ROBO2: variants seen among roughly 807,000 people sequenced by gnomAD.
The protein encoded by ROBO2 is roundabout guidance receptor 2, also known as roundabout homolog 2.
Under a neutral mutation model 160.8 loss-of-function variants are expected in ROBO2, and 53 were observed. The ratio of observed to expected loss-of-function variants is 0.33; its 90% CI spans 0.26 to 0.41. The LOEUF (loss-of-function observed/expected upper bound fraction) is 0.41. Among genes scored for constraint, ROBO2 ranks in the 10% least tolerant of loss-of-function variants. The pLI is 1.00. For synonymous variants in ROBO2, 664 were observed against 611.7 expected, an observed-to-expected ratio of 1.09 and a Z score of -1.26; for missense variants, 1,577 against 1,722.4, an observed-to-expected ratio of 0.92 and a Z score of 1.49.
At position 77,362,718 on chromosome 3, in the gene ROBO2, T is replaced by G. The variant is rs572288218; in HGVS notation, c.389-114696T>G. Among the ~76,000 whole-genome samples the G allele has an allele frequency of 2.0e-5, 3 of 152,196 alleles. No individual in the cohort carries two copies. In the East Asian group the frequency reaches 5.8e-4, roughly 30 times the overall value. ...CTGCTAATTAAGACATACCCAAGAC[T>G]GGGTAATTTATAAAGGAAAGAGGAT... On this transcript the variant is annotated intron_variant, in intron 2 of 25. Transcript: ENST00000461745.
chr3:76,055,892 G>A (rs2067828279), intron 2 of ROBO2, among the ~76,000 whole-genome samples: 1 of 152,052 alleles, frequency 6.6e-6, no homozygotes, highest in South Asian at 2.1e-4. Context: ...CCAAGTAGCT[G>A]GGACTACAGG....
intron 2 of ROBO2, among the ~76,000 whole-genome samples, chr3:77,308,291 C>T (rs1468869924): frequency 6.6e-6 from 1 of 152,078 alleles, no homozygotes; most frequent in Non-Finnish European, 1.5e-5. Flanking sequence ...TCTGGATTCC[C>T]TGGCCTTCTT....
At chr3:77,579,106 C>A (rs1427614403) in intron 15 of ROBO2, among the ~76,000 whole-genome samples, 1 of 152,044 alleles carries the variant, frequency 6.6e-6, no homozygotes, top group African/African-American at 2.4e-5. Flanking sequence ...TGTTTTCCTA[C>A]ATATGTGTCT....
intron 2 of ROBO2, among the ~76,000 whole-genome samples, chr3:77,387,742 A>G (rs2074287087): frequency 6.6e-6 from 1 of 152,158 alleles, no homozygotes; most frequent in Non-Finnish European, 1.5e-5. Context: ...CCCCACAGGT[A>G]GCTACTCTAT....
chr3:76,591,386 A>G (rs1036633257), intron 2 of ROBO2, among the ~76,000 whole-genome samples: 5 of 152,128 alleles, frequency 3.3e-5, no homozygotes, highest in African/African-American at 9.6e-5. Context: ...ACATGGGCCT[A>G]TGTAGTTCAG....
chr3:77,154,510 C>G (rs1326147331), intron 2 of ROBO2, among the ~76,000 whole-genome samples: 1 of 152,006 alleles, frequency 6.6e-6, no homozygotes, highest in Non-Finnish European at 1.5e-5. Flanking sequence ...AACCAACAAT[C>G]CCATTTCTGG....
At chr3:76,970,500 C>T (rs946288666) in intron 2 of ROBO2, among the ~76,000 whole-genome samples, 3 of 152,040 alleles carry the variant, frequency 2.0e-5, no homozygotes, top group African/African-American at 4.8e-5. Flanking sequence ...ACAAGTGAGC[C>T]TTGAGGGCTG....
intron 6 of ROBO2, among the ~76,000 whole-genome samples, chr3:77,539,141 A>C (rs991486484): frequency 6.6e-5 from 10 of 152,160 alleles, no homozygotes; most frequent in African/African-American, 2.4e-4. Flanking sequence ...GCTGATCTCA[A>C]ACTCCAGAGC....
At chr3:76,183,109 A>T (rs546117305) in intron 2 of ROBO2, among the ~76,000 whole-genome samples, 1 of 152,174 alleles carries the variant, frequency 6.6e-6, no homozygotes, top group African/African-American at 2.4e-5. Context: ...TCATTCACAT[A>T]TCTGGTGCTT....
intron 2 of ROBO2, among the ~76,000 whole-genome samples, chr3:76,807,237 G>C (rs539576234): frequency 5.9e-5 from 9 of 152,166 alleles, no homozygotes; most frequent in African/African-American, 2.2e-4. Flanking sequence ...CATGTCAGTA[G>C]TGGAATAGTT....
intron 2 of ROBO2, among the ~76,000 whole-genome samples, chr3:77,192,775 A>G (rs914947331): frequency 3.3e-5 from 5 of 149,952 alleles, no homozygotes; most frequent in African/African-American, 9.8e-5. Flanking sequence ...CCCCCCAAGT[A>G]GCTGGGACTA....
In ROBO2 at chr3:76,653,279, T is replaced by C. The variant is rs546624754; in HGVS notation, c.110-444735T>C. ...TTCTCACATGCTTATAATTAGATAA[T>C]AAACTTATATTCTCTTGCAAATGTG... On this transcript the variant is annotated intron_variant, in intron 2 of 26. Transcript: ENST00000487694. Among the ~76,000 whole-genome samples, 3 of 151,972 alleles carry C rather than the reference T, an allele frequency of 2.0e-5. No individual in the cohort carries two copies. The East Asian group carries it at 5.8e-4, about 29-fold the overall frequency.
chr3:75,943,199 A>G (rs775986838), intron 2 of ROBO2, among the ~76,000 whole-genome samples: 4 of 152,036 alleles, frequency 2.6e-5, no homozygotes, highest in Non-Finnish European at 4.4e-5. Flanking sequence ...ACTAAATTGA[A>G]TTACATCACT....
At chr3:77,032,100 T>G (rs1301044901) in intron 2 of ROBO2, among the ~76,000 whole-genome samples, 2 of 152,178 alleles carry the variant, frequency 1.3e-5, no homozygotes, top group Non-Finnish European at 1.5e-5. Flanking sequence ...GGCCCTACCT[T>G]CTAATACTAT....
chr3:76,222,046 G>C (rs944503777), intron 2 of ROBO2, among the ~76,000 whole-genome samples: 12 of 152,142 alleles, frequency 7.9e-5, no homozygotes, highest in African/African-American at 2.9e-4. Flanking sequence ...CTGGCAGATT[G>C]TATAATCTGC....
intron 2 of ROBO2, among the ~76,000 whole-genome samples, chr3:76,090,423 CAAAACAAAAACA>C (rs367626610): frequency 0.032 from 4,911 of 151,786 alleles, 291 homozygotes; most frequent in African/African-American, 0.11. Flanking sequence ...GAGATCCTGT[CAAAACAAAAACA>C]AAAACAAAAA....
At chr3:75,992,265 A>C (rs1194077807) in intron 2 of ROBO2, among the ~76,000 whole-genome samples, 2 of 152,024 alleles carry the variant, frequency 1.3e-5, no homozygotes, top group Non-Finnish European at 2.9e-5. Flanking sequence ...GGTTTAGGAG[A>C]AAAAAATGGT....
At chr3:76,490,839 C>T (rs147962743) in intron 2 of ROBO2, among the ~76,000 whole-genome samples, 316 of 152,056 alleles carry the variant, frequency 2.1e-3, no homozygotes, top group African/African-American at 7.3e-3. Context: ...TTATTTAAAG[C>T]TTTAAAAATC....
At chr3:77,055,968 G>A (rs1344898769) in intron 1 of ROBO2, among the ~76,000 whole-genome samples, 1 of 152,180 alleles carries the variant, frequency 6.6e-6, no homozygotes, top group African/African-American at 2.4e-5. Flanking sequence ...CCTTACAAAT[G>A]ACTGCACAAT....
Sources: allele counts gnomAD v4.1 joint callset (sites outside exome capture counted in the v4.1 genomes callset), GRCh38; gene constraint gnomAD v4.1.1; transcripts MANE v1.5; gene names NCBI Gene and HGNC (gene_info 2026-07-23, HGNC 2026-07-21).